The following PTPRM variants were observed in gnomAD, a reference collection of about 807,000 sequenced individuals.
The protein encoded by PTPRM is protein tyrosine phosphatase receptor type M, also known as receptor-type tyrosine-protein phosphatase mu.
In PTPRM, 47 loss-of-function variants were observed where a neutral mutation model predicts 186.7. The observed-to-expected ratio is 0.25, with a 90% confidence interval of 0.20 to 0.32. The LOEUF (loss-of-function observed/expected upper bound fraction) is 0.32. PTPRM is among the 10% of genes least tolerant of loss of function. The pLI, the probability that PTPRM is intolerant of heterozygous loss-of-function variation, is 1.00. For missense variants in PTPRM, 1,494 were observed against 1,865.0 expected (o/e 0.80, Z 3.66); for synonymous variants, 668 against 674.9 (o/e 0.99, Z 0.16).
At chr18:7,672,653 T>A (rs950711469) in intron 1 of PTPRM, among the ~76,000 whole-genome samples, 1 of 152,168 alleles carries the variant, frequency 6.6e-6, no homozygotes, top group South Asian at 2.1e-4. Context: ...TATAGTTTTC[T>A]CAAGGAGTCA....
chr18:7,754,322 G>A (rs538725350), intron 1 of PTPRM, among the ~76,000 whole-genome samples: 2 of 152,296 alleles, frequency 1.3e-5, no homozygotes, highest in East Asian at 3.9e-4. Context: ...GACATTTCCT[G>A]TGTGCTTCTT....
chr18:8,124,391 A>G (rs965604297), intron 13 of PTPRM, among the ~76,000 whole-genome samples: 1 of 152,184 alleles, frequency 6.6e-6, no homozygotes, highest in South Asian at 2.1e-4. Context: ...TAAGGGATTT[A>G]TTCATGAGTC....
At chr18:7,609,768 A>G (rs1309671355) in intron 1 of PTPRM, among the ~76,000 whole-genome samples, 1 of 152,090 alleles carries the variant, frequency 6.6e-6, no homozygotes, top group Non-Finnish European at 1.5e-5. Context: ...GATGACCATT[A>G]GCCTTGAGTT....
intron 2 of PTPRM, among the ~76,000 whole-genome samples, chr18:7,887,112 CCAAGTT>C (rs1294076891): frequency 6.6e-6 from 1 of 152,012 alleles, no homozygotes; most frequent in Non-Finnish European, 1.5e-5. Context: ...TTTTTATACT[CCAAGTT>C]CAGGTGTACT....
At chr18:7,829,337 C>T (rs1231663963) in intron 2 of PTPRM, among the ~76,000 whole-genome samples, 1 of 152,092 alleles carries the variant, frequency 6.6e-6, no homozygotes, top group African/African-American at 2.4e-5. Context: ...TCTTCACATT[C>T]AAGATAATAA....
At chr18:8,235,267 T>G (rs190950663) in intron 14 of PTPRM, among the ~76,000 whole-genome samples, 3 of 152,136 alleles carry the variant, frequency 2.0e-5, no homozygotes, top group Non-Finnish European at 2.9e-5. Context: ...ATAGGCCTAG[T>G]GAGATTGTGT....
intron 1 of PTPRM, among the ~76,000 whole-genome samples, chr18:7,720,279 A>G (rs2040422218): frequency 1.3e-5 from 2 of 152,194 alleles, no homozygotes; most frequent in South Asian, 2.1e-4. Flanking sequence ...ACAGTAGAAG[A>G]GTAATGGGGA....
chr18:8,032,862 T>G (rs1490125443), intron 7 of PTPRM, among the ~76,000 whole-genome samples: 1 of 152,060 alleles, frequency 6.6e-6, no homozygotes, highest in Admixed American at 6.6e-5. Context: ...TACAGTTAGA[T>G]TAACCCCCTA....
At chr18:8,394,993 T>G (rs1207994992) in intron 32 of PTPRM, among the ~76,000 whole-genome samples, 2 of 152,238 alleles carry the variant, frequency 1.3e-5, no homozygotes, top group African/African-American at 2.4e-5. Context: ...CTTAATCGCC[T>G]AATATTTATC....
chr18:8,288,446 A>G (rs1404982033), intron 19 of PTPRM, among the ~76,000 whole-genome samples: 2 of 152,182 alleles, frequency 1.3e-5, no homozygotes, highest in African/African-American at 4.8e-5. Context: ...GCCGGCCAAG[A>G]AAGGGTTGAA....
intron 4 of PTPRM, 36 bp from the exon 5 acceptor site, chr18:7,926,532 C>T: frequency 6.6e-7 from 1 of 1,512,230 alleles, no homozygotes; most frequent in Non-Finnish European, 9.0e-7. Context: ...TACAAATCTC[C>T]ACTTTTAATA....
intron 14 of PTPRM, among the ~76,000 whole-genome samples, chr18:8,219,942 A>C (rs1301538270): frequency 2.0e-5 from 3 of 152,154 alleles, no homozygotes; most frequent in African/African-American, 7.2e-5. Context: ...TTTTAACATT[A>C]ATGCTGGTCA....
At chr18:8,302,747 G>T (rs1249713577) in intron 20 of PTPRM, among the ~76,000 whole-genome samples, 1 of 151,990 alleles carries the variant, frequency 6.6e-6, no homozygotes, top group East Asian at 1.9e-4. Flanking sequence ...AGGATGAATG[G>T]TTAGATGGAT....
intron 1 of PTPRM, among the ~76,000 whole-genome samples, chr18:7,586,475 T>G (rs1369531622): frequency 6.6e-6 from 1 of 152,070 alleles, no homozygotes; most frequent in Non-Finnish European, 1.5e-5. Context: ...GGAGATTATA[T>G]TATAATATAA....
chr18:7,834,725 G>A (rs1457470931), intron 2 of PTPRM, among the ~76,000 whole-genome samples: 1 of 151,770 alleles, frequency 6.6e-6, no homozygotes, highest in Non-Finnish European at 1.5e-5. Context: ...CAGCAGTGAA[G>A]CCATCATCAG....
intron 26 of PTPRM, 94 bp from the exon 27 acceptor site, chr18:8,378,171 C>T (rs946096075): frequency 3.1e-6 from 4 of 1,305,712 alleles, no homozygotes; most frequent in Non-Finnish European, 4.3e-6. Context: ...GGAACTGTCT[C>T]CACTCTCTTG....
At position 8,340,884 on chromosome 18, in the gene PTPRM, A is replaced by G. The variant is rs149248001; in HGVS notation, c.2957-2539A>G. 2.4e-4 allele frequency among the ~76,000 whole-genome samples: 36 copies of G among 152,314 alleles called. No homozygotes were observed. The East Asian group carries it at 6.8e-3, about 29-fold the overall frequency. On this transcript the variant is annotated intron_variant, in intron 22 of 32. Transcript: ENST00000580170. ...GACCTGAGAATTTAAAAAAATCTCCACAGTAATTTTAATAAGCAGCTAGAG... is the reference window on the plus strand; with the variant it reads ...GACCTGAGAATTTAAAAAAATCTCCGCAGTAATTTTAATAAGCAGCTAGAG...
At chr18:8,096,123 G>T (rs566468327) in intron 11 of PTPRM, among the ~76,000 whole-genome samples, 1 of 152,278 alleles carries the variant, frequency 6.6e-6, no homozygotes, top group Non-Finnish European at 1.5e-5. Flanking sequence ...CTACTCAGTG[G>T]ATGTGGGTGG....
At chr18:8,141,580 C>G (rs2092768358) in intron 13 of PTPRM, among the ~76,000 whole-genome samples, 1 of 152,146 alleles carries the variant, frequency 6.6e-6, no homozygotes, top group African/African-American at 2.4e-5. Flanking sequence ...ACTGAGTGTT[C>G]ACAATGTATG....
Sources: gnomAD v4.1 joint callset for allele counts (sites outside exome capture counted in the v4.1 genomes callset) on GRCh38, gnomAD v4.1.1 for gene constraint, MANE v1.5 for transcripts, NCBI Gene and HGNC (gene_info 2026-07-23, HGNC 2026-07-21) for gene names.